The following NRL variants were observed in gnomAD, a reference collection of about 807,000 sequenced individuals.
NRL encodes the protein neural retina-specific leucine zipper protein.
NRL carries 16 observed loss-of-function variants against 12.5 expected under a neutral mutation model. The ratio of observed to expected loss-of-function variants is 1.28; its 90% CI spans 0.87 to 1.95. The LOEUF (loss-of-function observed/expected upper bound fraction) is 1.95, where lower values mean the gene tolerates loss of function less well. Ranked by LOEUF, NRL falls within the 30% of genes most tolerant of loss-of-function variation. The probability of loss-of-function intolerance (pLI) is 0.00; values close to 1 mark genes in which losing one functional copy is unlikely to be tolerated. For missense variants in NRL, 314 were observed against 325.8 expected (o/e 0.96, Z 0.28); for synonymous variants, 142 against 150.9 (o/e 0.94, Z 0.43).
chr14:24,108,444 C>G (rs1322140427), intron 1 of NRL, among the ~76,000 whole-genome samples: 1 of 151,926 alleles, frequency 6.6e-6, no homozygotes, highest in Admixed American at 6.6e-5. Flanking sequence ...CTCAAATGAT[C>G]CTCTTGCCTC....
intron 1 of NRL, chr14:24,084,797 A>C: frequency 1.1e-4 from 87 of 772,650 alleles, no homozygotes; most frequent in Non-Finnish European, 1.3e-4. Context: ...GCTTATTCTC[A>C]AAGAAGGAAA....
rs370631813 is a variant in NRL at position 24,102,804 on chromosome 14, G to T, written c.-28+11918C>A. On this transcript the variant is annotated intron_variant, in intron 1 of 2. Coordinates refer to ENST00000561028, the MANE Select transcript of NRL (RefSeq NM_001354768.3). ...AACTCTCGATTTTGTGCCCCGGCTC[G>T]CCAGTGCCCCATCATGGACCCAGCC... 6.2e-7 allele frequency: 1 copy of T among 1,613,788 alleles called. No homozygotes were observed. The highest frequency in any genetic ancestry group is 8.5e-7 in the Non-Finnish European group (1 of 1,179,718).
rs79495380 is a variant in NRL at position 24,107,704 on chromosome 14, C to A, written c.-28+7018G>T. Among the ~76,000 whole-genome samples the A allele has an allele frequency of 2.2e-4, 33 of 152,196 alleles. No homozygotes were observed. In the East Asian group the frequency reaches 4.6e-3, roughly 21 times the overall value. On this transcript the variant is annotated intron_variant, in intron 1 of 2. Transcript: ENST00000561028. ...TCTTTTCCTTCAATTTACCCATTGACGAATCCAGACTCAGATGTTCAGTGT... is the reference window on the plus strand; with the variant it reads ...TCTTTTCCTTCAATTTACCCATTGAAGAATCCAGACTCAGATGTTCAGTGT...
rs117982423 is a variant in NRL at position 24,101,405 on chromosome 14, C to T, written c.-28+13317G>A. ...CCCAGGTCTGACCAGCAACCTCCAGCAGAGAAGGCACCATGTCCACTCAGG... is the reference window on the plus strand; with the variant it reads ...CCCAGGTCTGACCAGCAACCTCCAGTAGAGAAGGCACCATGTCCACTCAGG... On this transcript the variant is annotated intron_variant, in intron 1 of 2. Coordinates refer to ENST00000561028, the MANE Select transcript of NRL (RefSeq NM_001354768.3). Among the ~76,000 whole-genome samples the T allele has an allele frequency of 5.2e-3, 799 of 152,316 alleles. 5 individuals are homozygous for T. The highest frequency in any genetic ancestry group is 0.017 in the South Asian group (80 of 4,826).
intron 1 of NRL, among the ~76,000 whole-genome samples, chr14:24,089,857 C>T (rs2036567043): frequency 6.6e-6 from 1 of 152,266 alleles, no homozygotes; most frequent in African/African-American, 2.4e-5. Flanking sequence ...GCAGAAACAA[C>T]ATATGCAAAG....
chr14:24,100,536 A>T (rs2037121063), intron 1 of NRL: 1 of 975,432 alleles, frequency 1.0e-6, no homozygotes, highest in Non-Finnish European at 1.3e-6. Flanking sequence ...CACACTGACA[A>T]ATACACAGTA....
At chr14:24,098,602 A>G in intron 1 of NRL, 1 of 1,614,052 alleles carries the variant, frequency 6.2e-7, no homozygotes, top group Non-Finnish European at 8.5e-7. Flanking sequence ...GACTGGGGAC[A>G]CCTGTGCTTC....
chr14:24,093,489 C>G (rs995578897), intron 1 of NRL: 1 of 152,190 alleles, frequency 6.6e-6, no homozygotes, highest in African/African-American at 2.4e-5. Flanking sequence ...ACCAGCTTGG[C>G]CAGCATGGAG....
At position 24,106,433 on chromosome 14, in the gene NRL, A is replaced by G. The variant is rs1302938238; in HGVS notation, c.-28+8289T>C. Among the ~76,000 whole-genome samples the G allele has an allele frequency of 2.6e-5, 4 of 152,190 alleles. No homozygotes were observed. The East Asian group carries it at 7.7e-4, about 29-fold the overall frequency. ...TAGAACAAAGTTAGCAGTGGAGTAT[A>G]TTGTACTTTAAAACACAGCCAGCCA... On this transcript the variant is annotated intron_variant, in intron 1 of 2. Coordinates refer to ENST00000561028, the MANE Select transcript of NRL (RefSeq NM_001354768.3).
At chr14:24,113,922 G>A (rs1182064776) in intron 1 of NRL, among the ~76,000 whole-genome samples, 1 of 152,246 alleles carries the variant, frequency 6.6e-6, no homozygotes, top group South Asian at 2.1e-4. Flanking sequence ...CTGAGCCTCT[G>A]AGCCCGAGAC....
intron 1 of NRL, chr14:24,095,359 T>C: frequency 2.4e-6 from 1 of 408,594 alleles, no homozygotes; most frequent in Admixed American, 2.6e-5. Context: ...AACTTCCCTC[T>C]GAGGCAGGAA....
rs767344259 is a variant in NRL at position 24,099,270 on chromosome 14, G to C, written c.-28+15452C>G. On this transcript the variant is annotated intron_variant, in intron 1 of 2. Coordinates refer to ENST00000561028, the MANE Select transcript of NRL (RefSeq NM_001354768.3). The stretch of plus-strand genomic sequence containing the variant: ...CTGGTGAGAAGCAGGGCAGCTGCCG[G>C]GGACAGGGCAGGGGTGGGGCCTGGC... The C allele has an allele frequency of 3.8e-6, 6 of 1,570,820 alleles. No homozygotes were observed. The East Asian group carries it at 1.4e-4, about 36-fold the overall frequency.
At chr14:24,107,940 TTAG>T (rs760119366) in intron 1 of NRL, among the ~76,000 whole-genome samples, 7 of 152,234 alleles carry the variant, frequency 4.6e-5, no homozygotes, top group Non-Finnish European at 8.8e-5. Context: ...AGGTAACCAG[TTAG>T]TTACACACAA....
Position 24,099,102 on chromosome 14 carries a change from G to A in NRL, c.-28+15620C>T, listed in dbSNP as rs759802880. On this transcript the variant is annotated intron_variant, in intron 1 of 2. Transcript: ENST00000561028. Reference sequence around the variant, plus strand: ...CCCAGAGAAAACCCTGATTGGCCACGTGCCCGACCAGCGGGAGATCATCTC... The same window carrying A: ...CCCAGAGAAAACCCTGATTGGCCACATGCCCGACCAGCGGGAGATCATCTC... The A allele has an allele frequency of 3.0e-5, 49 of 1,611,530 alleles. No homozygotes were observed. The highest frequency in any genetic ancestry group is 1.6e-4 in the East Asian group (7 of 44,868).
At chr14:24,107,845 T>G (rs1025109059) in intron 1 of NRL, among the ~76,000 whole-genome samples, 6 of 152,250 alleles carry the variant, frequency 3.9e-5, no homozygotes, top group Non-Finnish European at 5.9e-5. Flanking sequence ...ATTGTTTATA[T>G]AGAAACAGCA....
At position 24,094,304 on chromosome 14, in the gene NRL, C is replaced by T; in HGVS notation, c.-27-11429G>A. ...TCCTTTTTAAGCGCCTCCCGCCAGC[C>T]TCTGCTGTGGCTCGCTTCGCCGCGC... On this transcript the variant is annotated intron_variant, in intron 1 of 2. Coordinates refer to ENST00000561028, the MANE Select transcript of NRL (RefSeq NM_001354768.3). This position sits in a 1 kb window ranked among gnomAD's most constrained non-coding sequence, Gnocchi z 4.1. 1 of 1,213,390 alleles carries T rather than the reference C, an allele frequency of 8.2e-7. No individual in the cohort carries two copies. Among genetic ancestry groups the T allele is most frequent in the Admixed American group, 2.1e-5 (1 of 48,274 alleles). The allele number at this position is 1,213,390 out of a possible 1,614,324, so 75.2% of individuals were successfully genotyped here.
intron 2 of NRL, chr14:24,082,022 T>C (rs1277013720): frequency 8.3e-7 from 1 of 1,199,234 alleles, no homozygotes; most frequent in Non-Finnish European, 1.0e-6. Flanking sequence ...CCCATCTGTG[T>C]CTGTAATTAA....
At chr14:24,104,800 G>A (rs148069394) in intron 1 of NRL, among the ~76,000 whole-genome samples, 70 of 152,226 alleles carry the variant, frequency 4.6e-4, no homozygotes, top group Middle Eastern at 3.4e-3. Context: ...GTCAGTTCTC[G>A]AATTTGTTCT....
intron 1 of NRL, chr14:24,099,564 G>A: frequency 6.3e-7 from 1 of 1,591,434 alleles, no homozygotes; most frequent in Non-Finnish European, 8.6e-7. Flanking sequence ...ACAGATCCTG[G>A]GCATCACCAG....
Sources: allele counts gnomAD v4.1 joint callset (sites outside exome capture counted in the v4.1 genomes callset), GRCh38; gene constraint gnomAD v4.1.1; non-coding constraint Gnocchi (gnomAD v3.1); transcripts MANE v1.5; gene names NCBI Gene and HGNC (gene_info 2026-07-23, HGNC 2026-07-21).